Variants in TRAF3IP1 observed in about 807,000 individuals in gnomAD.
TRAF3IP1 encodes the protein intraflagellar transport 54.
TRAF3IP1 carries 53 observed loss-of-function variants against 89.9 expected under a neutral mutation model. The observed-to-expected ratio is 0.59, with a 90% CI of 0.47 to 0.74. The LOEUF is 0.74. Among genes scored for constraint, TRAF3IP1 ranks in the 30% least tolerant of loss-of-function variants. The probability of loss-of-function intolerance (pLI) is 0.00; values close to 1 mark genes in which losing one functional copy is unlikely to be tolerated. For synonymous variants in TRAF3IP1, 311 were observed against 322.1 expected (o/e 0.97, Z 0.37); for missense variants, 806 against 866.1 (o/e 0.93, Z 0.87).
chr2:238,376,257 A>G (rs1472813122), intron 15 of TRAF3IP1, among the ~76,000 whole-genome samples: 1 of 152,178 alleles, frequency 6.6e-6, no homozygotes, highest in East Asian at 1.9e-4. Context: ...ATTATCCTTT[A>G]ACTGGGTTTT....
intron 15 of TRAF3IP1, among the ~76,000 whole-genome samples, chr2:238,371,162 G>A (rs56107619): frequency 0.12 from 17,731 of 152,154 alleles, 1,753 homozygotes; most frequent in African/African-American, 0.27. Flanking sequence ...TGTACTTTTC[G>A]TAAAGAGCGT....
chr2:238,338,441 G>A lies in TRAF3IP1; in HGVS notation c.1143G>A (p.Thr381=), dbSNP rs770809324. The change falls in exon 8 of 17, where the codon ACG becomes ACA. Residue 381 remains threonine, a synonymous_variant. Transcript: ENST00000373327. The part of the protein sequence containing the change: ...SGINNEPNQE[T]TTSEIGTKEA... ...TAAATAATGAGCCAAATCAGGAAAC[G>A]ACAACATCAGAAATAGGTAAGAAAA... 169 of 1,583,600 alleles carry A rather than the reference G, an allele frequency of 1.1e-4. No individual in the cohort carries two copies. The highest frequency in any genetic ancestry group is 1.3e-4 in the Non-Finnish European group (153 of 1,162,770).
chr2:238,397,599 C>T lies in TRAF3IP1; in HGVS notation c.1830C>T (p.Asp610=), dbSNP rs1443259841. ...LGKIMDYIQE[D]VDAMQNELQM... ...AGATCATGGACTACATCCAGGAAGACGTGGATGCCATGCAGAATGAGCTGC... is the reference window on the plus strand; with the variant it reads ...AGATCATGGACTACATCCAGGAAGATGTGGATGCCATGCAGAATGAGCTGC... Residue 610 remains aspartate (D), a synonymous_variant, in exon 16 of 17, where the codon GAC becomes GAT. Coordinates refer to ENST00000373327, the MANE Select transcript of TRAF3IP1 (RefSeq NM_015650.4). The T allele has an allele frequency of 2.4e-5, 38 of 1,612,734 alleles. No individual in the cohort carries two copies. Among genetic ancestry groups the T allele is most frequent in the Admixed American group, 1.0e-4 (6 of 59,984 alleles).
chr2:238,384,039 T>G (rs1700654570), intron 15 of TRAF3IP1, among the ~76,000 whole-genome samples: 1 of 152,190 alleles, frequency 6.6e-6, no homozygotes, highest in Non-Finnish European at 1.5e-5. Context: ...CACTGGCTTG[T>G]TCTCTGATTC....
intron 8 of TRAF3IP1, among the ~76,000 whole-genome samples, chr2:238,339,285 T>C (rs1698527005): frequency 1.3e-5 from 2 of 152,162 alleles, no homozygotes; most frequent in African/African-American, 4.8e-5. Flanking sequence ...ATATGGGAGT[T>C]GTCTGGGTCT....
intron 15 of TRAF3IP1, among the ~76,000 whole-genome samples, chr2:238,357,188 CAGCCACT>C (rs1484690525): frequency 6.6e-6 from 1 of 152,184 alleles, no homozygotes; most frequent in Non-Finnish European, 1.5e-5. Context: ...GGCCTCTTGC[CAGCCACT>C]ACCCTTTCCT....
chr2:238,346,090 A>G (rs1698881461), intron 9 of TRAF3IP1, among the ~76,000 whole-genome samples: 1 of 151,896 alleles, frequency 6.6e-6, no homozygotes, highest in South Asian at 2.1e-4. Context: ...AGAGCCGGGG[A>G]TTTGAAACTG....
intron 10 of TRAF3IP1, among the ~76,000 whole-genome samples, chr2:238,348,150 T>G (rs905687160): frequency 6.6e-6 from 1 of 152,180 alleles, no homozygotes; most frequent in Middle Eastern, 3.4e-3. Flanking sequence ...GAAGAAAACT[T>G]TGTTCAGATT....
At position 238,320,723 on chromosome 2, in the gene TRAF3IP1, C is replaced by A. The variant is rs1176343877; in HGVS notation, c.61C>A (p.Pro21Thr). The A allele has an allele frequency of 6.9e-7, 1 of 1,450,988 alleles. No individual in the cohort carries two copies. Among genetic ancestry groups the A allele is most frequent in the Non-Finnish European group, 9.2e-7 (1 of 1,090,946 alleles). The allele number at this position is 1,450,988 out of a possible 1,614,324, so 89.9% of individuals were successfully genotyped here. A position where few individuals can be genotyped will look rare whatever the true frequency, so the allele number is the denominator to read the frequency against. ...GCTGGGGAAAGTGATTCGGAGGCCG[C>A]CGCTGACCGAGAAGCTGCTGAGCAA... Reference protein sequence around the residue: ...EALGKVIRRPPLTEKLLSKPP... With the variant: ...EALGKVIRRPTLTEKLLSKPP... Residue 21 changes from proline to threonine, a missense_variant, in exon 1 of 17, where the codon CCG (proline) becomes ACG (threonine). Around this residue, in one of 3 missense-constraint regions of TRAF3IP1, gnomAD observed 732 missense variants for 780.5 expected, o/e 0.94. Coordinates refer to ENST00000373327, the MANE Select transcript of TRAF3IP1 (RefSeq NM_015650.4).
At chr2:238,327,316 G>A (rs191094775) in intron 3 of TRAF3IP1, among the ~76,000 whole-genome samples, 2 of 152,268 alleles carry the variant, frequency 1.3e-5, no homozygotes, top group East Asian at 1.9e-4. Flanking sequence ...GCTGACTTAG[G>A]TGCCCCTGTA....
chr2:238,390,886 A>T (rs1361484438), intron 15 of TRAF3IP1, among the ~76,000 whole-genome samples: 1 of 151,846 alleles, frequency 6.6e-6, no homozygotes, highest in East Asian at 1.9e-4. Context: ...GCTGCCCCCG[A>T]ATCCTCCTAT....
intron 3 of TRAF3IP1, 129 bp from the exon 4 acceptor site, chr2:238,328,557 T>C: frequency 8.7e-7 from 1 of 1,146,328 alleles, no homozygotes; most frequent in Non-Finnish European, 1.2e-6. Context: ...AAAAATATTT[T>C]ATCCTTTGAA....
chr2:238,348,770 A>T lies in TRAF3IP1; in HGVS notation c.1289A>T (p.Asp430Val), dbSNP rs1348139605. 1.2e-6 allele frequency: 2 copies of T among 1,613,934 alleles called. No homozygotes were observed. Among genetic ancestry groups the T allele is most frequent in the African/African-American group, 1.3e-5 (1 of 74,928 alleles). The change falls in exon 11 of 17, where the codon GAT (aspartate) becomes GTT (valine). Residue 430 changes from aspartate to valine, a missense_variant. Transcript: ENST00000373327. ...TTGATTGTCATTTGTTTAGAAGGAG[A>T]TGCTGGACCTGCTGGCCAAGATAAG... ...KGDSTSDAEG[D>V]AGPAGQDKSE...
chr2:238,376,956 T>C (rs1222217456), intron 15 of TRAF3IP1, among the ~76,000 whole-genome samples: 1 of 152,118 alleles, frequency 6.6e-6, no homozygotes, highest in Non-Finnish European at 1.5e-5. Flanking sequence ...AACTGGGGCA[T>C]TTGGAGGTTA....
chr2:238,341,369 A>G (rs1367490897), intron 8 of TRAF3IP1, among the ~76,000 whole-genome samples: 1 of 152,022 alleles, frequency 6.6e-6, no homozygotes, highest in Non-Finnish European at 1.5e-5. Context: ...TTAAAAAAAC[A>G]TCCTAACACT....
At chr2:238,376,921 C>T (rs186438878) in intron 15 of TRAF3IP1, among the ~76,000 whole-genome samples, 4 of 152,234 alleles carry the variant, frequency 2.6e-5, no homozygotes, top group Admixed American at 2.0e-4. Context: ...TAGTGAGACT[C>T]GGGCACTGTT....
intron 9 of TRAF3IP1, 37 bp from the exon 10 acceptor site, chr2:238,347,417 TA>T (rs1308389878): frequency 6.2e-7 from 1 of 1,613,104 alleles, no homozygotes; most frequent in African/African-American, 1.3e-5. Context: ...TGAGGTTGAC[TA>T]CACGAAAGCT....
intron 14 of TRAF3IP1, among the ~76,000 whole-genome samples, chr2:238,354,918 G>A (rs1206378457): frequency 6.6e-6 from 1 of 150,974 alleles, no homozygotes; most frequent in Admixed American, 6.6e-5. Context: ...CAAAGCGCTG[G>A]TATTACAGGT....
rs1369310176 is a variant in TRAF3IP1, at chr2:238,379,178, C to T, written c.1690-18281C>T. 6.6e-6 allele frequency among the ~76,000 whole-genome samples: 1 copy of T among 152,220 alleles called. No homozygotes were observed. The highest frequency in any genetic ancestry group is 1.5e-5 in the Non-Finnish European group (1 of 68,034). On this transcript the variant is annotated intron_variant, in intron 15 of 16. Coordinates refer to ENST00000373327, the MANE Select transcript of TRAF3IP1 (RefSeq NM_015650.4). This position sits in a 1 kb window ranked among gnomAD's most constrained non-coding sequence, Gnocchi z 4.0. ...GCAGTCCAAGGTTACCTGGAGGCTG[C>T]TGGTCTCTCGGGCCGGACAACCCCC...
Sources: allele counts gnomAD v4.1 joint callset (sites outside exome capture counted in the v4.1 genomes callset), GRCh38; gene constraint gnomAD v4.1.1; regional missense constraint gnomAD v4.1.1; non-coding constraint Gnocchi (gnomAD v3.1); transcripts MANE v1.5; gene names NCBI Gene and HGNC (gene_info 2026-07-23, HGNC 2026-07-21).